Variants in A1CF observed in about 807,000 individuals in gnomAD.
The protein encoded by A1CF is APOBEC-1 stimulating protein.
Under a neutral mutation model 68.9 loss-of-function variants are expected in A1CF, and 48 were observed. That is an observed-to-expected ratio of 0.70 (90% CI 0.55 to 0.89). The LOEUF is 0.89. Among genes scored for constraint, A1CF ranks in the 40% least tolerant of loss-of-function variants. A1CF has a pLI of 0.00. For missense variants in A1CF, 653 were observed against 718.9 expected (o/e 0.91, Z 1.05); for synonymous variants, 272 against 260.4 (o/e 1.04, Z -0.43).
At position 50,859,845 on chromosome 10, in the gene A1CF, G is replaced by A; in HGVS notation, c.96C>T (p.Val32=). ...ALVQRTGYSL[V]QENGQRKYGG... ...AGCAGATTTCACAAGTTCCTACCTG[G>A]ACCAAGCTATATCCTGTGCGCTGGA... The change falls in exon 3 of 13, where the codon GTC becomes GTT. Residue 32 remains valine (V), a synonymous_variant. Transcript: ENST00000373997. 6.2e-7 allele frequency: 1 copy of A among 1,613,526 alleles called. No homozygotes were observed. Among genetic ancestry groups the A allele is most frequent in the Non-Finnish European group, 8.5e-7 (1 of 1,179,694 alleles).
intron 6 of A1CF, among the ~76,000 whole-genome samples, chr10:50,832,046 C>T (rs562783298): frequency 1.3e-5 from 2 of 152,212 alleles, no homozygotes; most frequent in South Asian, 2.1e-4. Context: ...CATATGATCC[C>T]GCAATCACCA....
chr10:50,834,920 T>C (rs192242391), intron 6 of A1CF, among the ~76,000 whole-genome samples: 27 of 152,256 alleles, frequency 1.8e-4, no homozygotes, highest in Non-Finnish European at 1.5e-5. Context: ...GTTGTCGATG[T>C]TGAAGAAGAA....
At chr10:50,839,119 CTA>C (rs1839655993) in intron 5 of A1CF, among the ~76,000 whole-genome samples, 1 of 152,150 alleles carries the variant, frequency 6.6e-6, no homozygotes. Context: ...GACAAAGACA[CTA>C]AAATTCACAG....
chr10:50,824,649 T>C (rs1234909222), intron 7 of A1CF: 1 of 150,386 alleles, frequency 6.6e-6, no homozygotes. Flanking sequence ...GTGCCTGGCA[T>C]GTAGGAGCTA....
chr10:50,812,538 T>A (rs944440083), intron 10 of A1CF, among the ~76,000 whole-genome samples: 1 of 152,248 alleles, frequency 6.6e-6, no homozygotes, highest in African/African-American at 2.4e-5. Context: ...GAACTATTAT[T>A]ATACAGAATT....
intron 6 of A1CF, among the ~76,000 whole-genome samples, chr10:50,831,398 A>C: frequency 6.6e-6 from 1 of 152,306 alleles, no homozygotes; most frequent in African/African-American, 2.4e-5. Flanking sequence ...TAGAGAACTC[A>C]AACAATCAAT....
intron 7 of A1CF, among the ~76,000 whole-genome samples, chr10:50,827,638 A>G (rs1161188650): frequency 2.6e-5 from 4 of 152,130 alleles, no homozygotes; most frequent in East Asian, 1.9e-4. Flanking sequence ...ATTTAAAGCA[A>G]TGTGTAGAGG....
At chr10:50,841,681 A>G (rs1839784660) in intron 5 of A1CF, among the ~76,000 whole-genome samples, 181 bp downstream of exon 5, 1 of 152,204 alleles carries the variant, frequency 6.6e-6, no homozygotes, top group African/African-American at 2.4e-5. Flanking sequence ...TTTGGTATTC[A>G]TATAGTATTG....
chr10:50,851,385 T>C (rs1840234063), intron 3 of A1CF, among the ~76,000 whole-genome samples: 1 of 152,230 alleles, frequency 6.6e-6, no homozygotes, highest in Admixed American at 6.5e-5. Flanking sequence ...TATTGTAATT[T>C]TAAAAATCAG....
At chr10:50,846,777 TATTA>T (rs1436197652) in intron 3 of A1CF, among the ~76,000 whole-genome samples, 2 of 152,186 alleles carry the variant, frequency 1.3e-5, no homozygotes, top group South Asian at 2.1e-4. Context: ...CAAGAAAGCA[TATTA>T]ATTGTCTTTC....
At chr10:50,842,575 C>T (rs1839831330) in intron 4 of A1CF, among the ~76,000 whole-genome samples, 1 of 152,188 alleles carries the variant, frequency 6.6e-6, no homozygotes, top group Non-Finnish European at 1.5e-5. Flanking sequence ...TGTGCCACTG[C>T]ACTCCAGCCT....
intron 1 of A1CF, among the ~76,000 whole-genome samples, chr10:50,866,923 C>T (rs1333219023): frequency 6.6e-6 from 1 of 151,760 alleles, no homozygotes; most frequent in African/African-American, 2.4e-5. Flanking sequence ...CTATGTTGCC[C>T]AGGTTGGTCT....
intron 8 of A1CF, 33 bp from the exon 9 acceptor site, chr10:50,816,312 G>A: frequency 6.2e-7 from 1 of 1,604,736 alleles, no homozygotes; most frequent in Non-Finnish European, 8.5e-7. Flanking sequence ...ATCAACGCGA[G>A]ATGATATGAA....
chr10:50,863,825 T>A (rs72787057), intron 2 of A1CF, among the ~76,000 whole-genome samples: 18,385 of 152,088 alleles, frequency 0.12, 1,383 homozygotes, highest in South Asian at 0.17. Context: ...AGGGAAATTA[T>A]AGTTAACAAT....
Position 50,834,604 on chromosome 10 carries a change from A to C in A1CF, c.604+1470T>G, listed in dbSNP as rs549881546. On this transcript the variant is annotated intron_variant, in intron 6 of 12. Transcript: ENST00000373997. ...AATCACATATTTAGTTCTTACACAC[A>C]GCAAGGAGTTATGAATATTTTTGAA... Among the ~76,000 whole-genome samples the C allele has an allele frequency of 1.6e-4, 25 of 152,352 alleles. 1 individual carries two copies. The highest frequency in any genetic ancestry group is 3.4e-3 in the Middle Eastern group (1 of 294).
Position 50,828,233 on chromosome 10 carries a change from C to T in A1CF, c.667G>A (p.Asp223Asn). The T allele has an allele frequency of 6.2e-7, 1 of 1,607,680 alleles. No individual in the cohort carries two copies. Among genetic ancestry groups the T allele is most frequent in the Non-Finnish European group, 8.5e-7 (1 of 1,175,388 alleles). The change falls in exon 7 of 13, where the codon GAT becomes AAT. Residue 223 changes from aspartate to asparagine, a missense_variant. Asp to Asn is a conservative substitution (Grantham distance 23, BLOSUM62 1). Transcript: ENST00000373997. ...VDWAEPEVEV[D>N]EDTMSSVKIL... is the part of the protein sequence containing the mutation. ...TTCACTGAAGACATTGTATCTTCAT[C>T]AACTTCTACTTCTGGCTCTGCCCAG...
chr10:50,820,424 A>T, intron 8 of A1CF, 128 bp downstream of exon 8: 1 of 678,786 alleles, frequency 1.5e-6, no homozygotes, highest in African/African-American at 1.8e-5. Flanking sequence ...AGTACATCTT[A>T]AATGGACTGA....
chr10:50,807,774 G>A (rs1438720915), intron 12 of A1CF, among the ~76,000 whole-genome samples: 1 of 152,124 alleles, frequency 6.6e-6, no homozygotes, highest in Non-Finnish European at 1.5e-5. Context: ...AAAGAGAGAA[G>A]TATACTTAAG....
Position 50,809,969 on chromosome 10 carries a change from G to T in A1CF, c.1534C>A (p.Gln512Lys). 1 of 1,614,042 alleles carries T rather than the reference G, an allele frequency of 6.2e-7. No homozygotes were observed. The highest frequency in any genetic ancestry group is 8.5e-7 in the Non-Finnish European group (1 of 1,179,928). The change falls in exon 12 of 13, where the codon CAG (glutamine) becomes AAG (lysine). Residue 512 changes from glutamine (Q) to lysine (K), a missense_variant. Physicochemically the swap from Gln to Lys is moderately conservative, Grantham distance 53. Coordinates refer to ENST00000373997, the MANE Select transcript of A1CF (RefSeq NM_014576.4). ...AKTYAAEYTL[Q>K]TLGIPTDGGD... The stretch of plus-strand genomic sequence containing the variant: ...CCATCAGTGGGGATGCCCAGGGTCT[G>T]CAGGGTGTATTCGGCTGCATACGTC...
Sources: gnomAD v4.1 joint callset for allele counts (sites outside exome capture counted in the v4.1 genomes callset) on GRCh38, gnomAD v4.1.1 for gene constraint, MANE v1.5 for transcripts, NCBI Gene and HGNC (gene_info 2026-07-23, HGNC 2026-07-21) for gene names.